AGMO: variants seen among roughly 807,000 people sequenced by gnomAD.
AGMO encodes the protein glyceryl-ether monooxygenase.
In AGMO, 75 loss-of-function variants were observed where a neutral mutation model predicts 60.2. That is an observed-to-expected ratio of 1.25 (90% CI 1.03 to 1.51). The LOEUF is 1.51. Ranked by LOEUF, AGMO falls within the 40% of genes most tolerant of loss-of-function variation. The pLI is 0.00. For synonymous variants in AGMO, 261 were observed against 177.1 expected, an observed-to-expected ratio of 1.47 and a Z score of -3.76; for missense variants, 763 against 525.5, an observed-to-expected ratio of 1.45 and a Z score of -4.42.
chr7:15,487,861 T>C (rs1001142906), intron 3 of AGMO, among the ~76,000 whole-genome samples: 3 of 152,166 alleles, frequency 2.0e-5, no homozygotes, highest in Non-Finnish European at 2.9e-5. Context: ...GCAAGTAAAA[T>C]ATATTTTCAC....
intron 3 of AGMO, among the ~76,000 whole-genome samples, chr7:15,454,731 G>A (rs4551239): frequency 0.06 from 9,065 of 151,852 alleles, 394 homozygotes; most frequent in Admixed American, 0.12. Flanking sequence ...GATCACCATC[G>A]TTTCAAAAGC....
chr7:15,444,551 ACTT>A (rs1299459869), intron 3 of AGMO, among the ~76,000 whole-genome samples: 1 of 152,110 alleles, frequency 6.6e-6, no homozygotes. Context: ...ACATTTGATC[ACTT>A]CTTCTGTTTT....
At chr7:15,537,093 A>T (rs968783423) in intron 3 of AGMO, among the ~76,000 whole-genome samples, 1 of 152,050 alleles carries the variant, frequency 6.6e-6, no homozygotes. Flanking sequence ...GTCTACTTCA[A>T]ACTTAAGTGT....
intron 3 of AGMO, among the ~76,000 whole-genome samples, chr7:15,492,074 G>T (rs1373532602): frequency 6.6e-6 from 1 of 152,184 alleles, no homozygotes; most frequent in African/African-American, 2.4e-5. Context: ...TCAGGGTGGA[G>T]CATTTCCTAA....
intron 12 of AGMO, among the ~76,000 whole-genome samples, chr7:15,234,496 C>T (rs1782358199): frequency 6.6e-6 from 1 of 152,184 alleles, no homozygotes; most frequent in Admixed American, 6.5e-5. Context: ...CAAAACAACT[C>T]TTAATGACAC....
chr7:15,365,588 A>G lies in AGMO; in HGVS notation c.1189T>C (p.Cys397Arg). 6.2e-7 allele frequency: 1 copy of G among 1,612,838 alleles called. No homozygotes were observed. The highest frequency in any genetic ancestry group is 1.1e-5 in the South Asian group (1 of 91,028). Residue 397 changes from cysteine (C) to arginine (R), a missense_variant, in exon 12 of 13, where the codon TGC (cysteine) becomes CGC (arginine). Cys to Arg is a radical substitution (Grantham distance 180, BLOSUM62 -3). Coordinates refer to ENST00000342526, the MANE Select transcript of AGMO (RefSeq NM_001004320.2). ...PKAAIMETLR[C>R]LMFLMLYRFG... ...CGGTACAGCATTAAGAACATCAAGCAACGGAGAGTTTCCATAATAGCTGCC... is the reference window on the plus strand; with the variant it reads ...CGGTACAGCATTAAGAACATCAAGCGACGGAGAGTTTCCATAATAGCTGCC...
chr7:15,324,487 T>G (rs1425919970), intron 12 of AGMO, among the ~76,000 whole-genome samples: 1 of 152,136 alleles, frequency 6.6e-6, no homozygotes, highest in Non-Finnish European at 1.5e-5. Context: ...TGTCCTGAAG[T>G]GCCTTCTTGA....
At chr7:15,167,490 T>C in the AGMO span, among the ~76,000 whole-genome samples, 1 of 152,214 alleles carries the variant, frequency 6.6e-6, no homozygotes, top group Non-Finnish European at 1.5e-5. Context: ...GGTGACTACA[T>C]TATACTGCTT....
In AGMO at chr7:15,412,341, T is replaced by C. The variant is rs141392020; in HGVS notation, c.609+6217A>G. ...TTTTCCTGATAGTTTGTCAATTACA[T>C]CACTGAATGGGCAGTGTATGCACTA... On this transcript the variant is annotated intron_variant, in intron 5 of 12. Transcript: ENST00000342526. Among the ~76,000 whole-genome samples the C allele has an allele frequency of 3.0e-3, 462 of 152,080 alleles. 5 individuals carry two copies. The highest frequency in any genetic ancestry group is 0.011 in the African/African-American group (454 of 41,490).
chr7:15,154,691 T>C, the AGMO span, among the ~76,000 whole-genome samples: 1 of 152,232 alleles, frequency 6.6e-6, no homozygotes, highest in Non-Finnish European at 1.5e-5. Flanking sequence ...AGTTGCTTTA[T>C]AGTGTCGGTG....
chr7:15,172,507 A>AAC, the AGMO span, among the ~76,000 whole-genome samples: 1 of 152,214 alleles, frequency 6.6e-6, no homozygotes, highest in Admixed American at 6.5e-5. Context: ...CTAAAGCATC[A>AAC]ACACTTAAAA....
chr7:15,459,277 G>A (rs1782073911), intron 3 of AGMO, among the ~76,000 whole-genome samples: 1 of 152,156 alleles, frequency 6.6e-6, no homozygotes, highest in African/African-American at 2.4e-5. Context: ...TTGTTTTGTA[G>A]TGAATAAATC....
chr7:15,354,667 A>AT (rs547552431), intron 12 of AGMO, among the ~76,000 whole-genome samples: 163 of 148,782 alleles, frequency 1.1e-3, no homozygotes, highest in African/African-American at 3.8e-3. Context: ...AAAGAAAACA[A>AT]TTTTTTAAGT....
intron 12 of AGMO, among the ~76,000 whole-genome samples, chr7:15,330,887 A>G (rs1781480133): frequency 6.6e-6 from 1 of 152,066 alleles, no homozygotes; most frequent in Non-Finnish European, 1.5e-5. Flanking sequence ...ATTTTATGGC[A>G]TTCAAATATT....
At chr7:15,144,202 A>C in the AGMO span, among the ~76,000 whole-genome samples, 1 of 152,300 alleles carries the variant, frequency 6.6e-6, no homozygotes, top group African/African-American at 2.4e-5. Flanking sequence ...CTAGAAACTT[A>C]GCTAACATTG....
intron 12 of AGMO, chr7:15,306,405 C>CA (rs201338169): frequency 5.3e-6 from 2 of 380,444 alleles, no homozygotes; most frequent in East Asian, 9.0e-5. Context: ...TTTCAAGCTA[C>CA]AAAAAAATAG....
intron 6 of AGMO, among the ~76,000 whole-genome samples, chr7:15,391,555 A>G (rs948676850): frequency 2.6e-5 from 4 of 152,108 alleles, no homozygotes; most frequent in Non-Finnish European, 4.4e-5. Context: ...AATCTTAAGA[A>G]AAAGAATAAT....
At chr7:15,535,517 T>G (rs918736101) in intron 3 of AGMO, among the ~76,000 whole-genome samples, 1 of 151,984 alleles carries the variant, frequency 6.6e-6, no homozygotes, top group African/African-American at 2.4e-5. Flanking sequence ...CTTACCTGAC[T>G]GTTGGGTCCA....
chr7:15,153,098 C>G, the AGMO span, among the ~76,000 whole-genome samples: 1 of 151,870 alleles, frequency 6.6e-6, no homozygotes, highest in Non-Finnish European at 1.5e-5. Context: ...TGATGTTAAG[C>G]ATTTTTCCAT....
Sources: gnomAD v4.1 joint callset for allele counts (sites outside exome capture counted in the v4.1 genomes callset) on GRCh38, gnomAD v4.1.1 for gene constraint, MANE v1.5 for transcripts, NCBI Gene and HGNC (gene_info 2026-07-23, HGNC 2026-07-21) for gene names.